Variants in RANBP17 observed in about 807,000 individuals in gnomAD.
The protein encoded by RANBP17 is ran-binding protein 17.
In RANBP17, 158 loss-of-function variants were observed where a neutral mutation model predicts 141.2. The observed-to-expected ratio is 1.12, with a 90% CI of 0.98 to 1.28. The LOEUF is 1.28. Ranked by LOEUF, RANBP17 falls within the 50% of genes most tolerant of loss-of-function variation. RANBP17 has a pLI of 0.00. For missense variants in RANBP17, 1,438 were observed against 1,290.7 expected (o/e 1.11, Z -1.75); for synonymous variants, 430 against 450.0 (o/e 0.96, Z 0.56).
At chr5:170,875,406 T>C (rs1030581532) in intron 1 of RANBP17, among the ~76,000 whole-genome samples, 1 of 152,208 alleles carries the variant, frequency 6.6e-6, no homozygotes, top group African/African-American at 2.4e-5. Context: ...TATCCTGAAG[T>C]GTGTTTTCCA....
At chr5:170,955,578 GTGTGTATATA>G (rs1775580856) in intron 13 of RANBP17, among the ~76,000 whole-genome samples, 1 of 41,656 alleles carries the variant, frequency 2.4e-5, no homozygotes, top group African/African-American at 1.0e-4. Flanking sequence ...TGCTCAGTCT[GTGTGTATATA>G]TATATATATA....
intron 21 of RANBP17, among the ~76,000 whole-genome samples, chr5:171,215,737 C>G (rs1763174001): frequency 6.6e-6 from 1 of 152,062 alleles, no homozygotes; most frequent in Non-Finnish European, 1.5e-5. Flanking sequence ...CCTGTGCCCA[C>G]TTTTTGATGG....
At chr5:170,929,064 C>G (rs141000881) in intron 12 of RANBP17, among the ~76,000 whole-genome samples, 204 of 152,136 alleles carry the variant, frequency 1.3e-3, no homozygotes, top group African/African-American at 4.5e-3. Context: ...CTCTGCTACT[C>G]TATTAAACCA....
rs115334131 is a variant in RANBP17 at position 171,041,938 on chromosome 5, C to T, written c.1710+73561C>T. 7.5e-3 allele frequency among the ~76,000 whole-genome samples: 1,138 copies of T among 152,082 alleles called. 13 individuals carry two copies. The highest frequency in any genetic ancestry group is 0.026 in the African/African-American group (1,089 of 41,498). On this transcript the variant is annotated intron_variant, in intron 14 of 27. Transcript: ENST00000523189. ...GCCCTGGTATGCATCGTTCTCCTCCCTGTGTCCATGTGTTCTCATTATTCT... is the reference window on the plus strand; with the variant it reads ...GCCCTGGTATGCATCGTTCTCCTCCTTGTGTCCATGTGTTCTCATTATTCT...
intron 5 of RANBP17, chr5:170,897,375 T>A (rs1427550127): frequency 6.3e-6 from 3 of 474,026 alleles, no homozygotes; most frequent in Non-Finnish European, 1.2e-5. Context: ...TTTTTTTAAA[T>A]ATTCCATTGC....
At chr5:170,884,796 A>G (rs949133583) in intron 3 of RANBP17, among the ~76,000 whole-genome samples, 2 of 152,184 alleles carry the variant, frequency 1.3e-5, no homozygotes, top group African/African-American at 4.8e-5. Flanking sequence ...AATAATGGAA[A>G]CATTTCTGCC....
chr5:171,023,159 T>C (rs934118484), intron 14 of RANBP17, among the ~76,000 whole-genome samples: 1 of 152,220 alleles, frequency 6.6e-6, no homozygotes, highest in African/African-American at 2.4e-5. Flanking sequence ...AGGATTCACA[T>C]GCCTATTATA....
intron 14 of RANBP17, among the ~76,000 whole-genome samples, chr5:170,986,164 T>C (rs1778128082): frequency 1.3e-5 from 2 of 152,208 alleles, no homozygotes; most frequent in South Asian, 4.1e-4. Context: ...ATAAATTATA[T>C]GATCTCCTTG....
chr5:170,944,099 G>A (rs778525975), intron 12 of RANBP17, among the ~76,000 whole-genome samples: 7 of 151,844 alleles, frequency 4.6e-5, no homozygotes, highest in Non-Finnish European at 8.8e-5. Flanking sequence ...GAGTGAGACC[G>A]TATAGTATTT....
intron 14 of RANBP17, among the ~76,000 whole-genome samples, chr5:171,053,233 A>G (rs1473887104): frequency 1.3e-5 from 2 of 151,952 alleles, no homozygotes; most frequent in Non-Finnish European, 2.9e-5. Flanking sequence ...AGGTTCAGGT[A>G]GTACATGTGC....
intron 20 of RANBP17, chr5:171,206,308 A>G (rs1487556510): frequency 6.3e-6 from 1 of 159,012 alleles, no homozygotes; most frequent in Non-Finnish European, 1.4e-5. Context: ...TCTCATTTGA[A>G]AACAGATACA....
At chr5:170,939,190 C>T (rs901455255) in intron 12 of RANBP17, among the ~76,000 whole-genome samples, 4 of 151,938 alleles carry the variant, frequency 2.6e-5, no homozygotes, top group East Asian at 1.9e-4. Flanking sequence ...TCGAGAAAAA[C>T]GATATACAAT....
intron 14 of RANBP17, among the ~76,000 whole-genome samples, chr5:171,141,692 T>C (rs993445931): frequency 6.7e-6 from 1 of 149,958 alleles, no homozygotes; most frequent in Admixed American, 6.6e-5. Flanking sequence ...GGAGAATTGG[T>C]TAAATTAATT....
rs1337682674 is a variant in RANBP17 at position 171,022,205 on chromosome 5, C to A, written c.1710+53828C>A. ...GATCTTTGACTTTGAGGGGCGCCAACCTGATGCCCGTAGGATTGTTCCTGT... is the reference window on the plus strand; with the variant it reads ...GATCTTTGACTTTGAGGGGCGCCAAACTGATGCCCGTAGGATTGTTCCTGT... On this transcript the variant is annotated intron_variant, in intron 14 of 27. Transcript: ENST00000523189. Among the ~76,000 whole-genome samples, 8 of 152,164 alleles carry A rather than the reference C, an allele frequency of 5.3e-5. No individual in the cohort carries two copies. The South Asian group carries it at 1.0e-3, about 20-fold the overall frequency.
At chr5:170,901,267 CCTT>C (rs1390923668) in intron 5 of RANBP17, among the ~76,000 whole-genome samples, 1 of 152,082 alleles carries the variant, frequency 6.6e-6, no homozygotes, top group Non-Finnish European at 1.5e-5. Context: ...TATGTAATGC[CCTT>C]CTTTGTCTCC....
In RANBP17 at chr5:171,277,657, A is replaced by G. The variant is rs1380938643; in HGVS notation, c.2943+11810A>G. On this transcript the variant is annotated intron_variant, in intron 25 of 27. Coordinates refer to ENST00000523189, the MANE Select transcript of RANBP17 (RefSeq NM_022897.5). ...TGTATGTATATATATATATATATAT[A>G]TATATATATATTTATGTCTTACAGC... 1.7e-3 allele frequency among the ~76,000 whole-genome samples: 220 copies of G among 132,318 alleles called. 16 individuals carry two copies. Among genetic ancestry groups the G allele is most frequent in the African/African-American group, 5.6e-3 (199 of 35,844 alleles). 86.8% of individuals were successfully genotyped at this position (132,318 alleles called of 152,430 possible). A position where few individuals can be genotyped will look rare whatever the true frequency, so the allele number is the denominator to read the frequency against.
chr5:171,159,310 C>T (rs1759126836), intron 14 of RANBP17, among the ~76,000 whole-genome samples: 1 of 152,134 alleles, frequency 6.6e-6, no homozygotes, highest in African/African-American at 2.4e-5. Context: ...AGTTTCATCT[C>T]CATACTAGCT....
chr5:170,885,522 A>T (rs1206461744), intron 3 of RANBP17, among the ~76,000 whole-genome samples: 1 of 152,220 alleles, frequency 6.6e-6, no homozygotes. Context: ...AAAGCCTCTT[A>T]TAATCATTCT....
chr5:171,195,410 A>G (rs1761916942), intron 18 of RANBP17, among the ~76,000 whole-genome samples: 12 of 152,256 alleles, frequency 7.9e-5, no homozygotes. Flanking sequence ...TTTGCATGAT[A>G]TAAACAACAA....
Sources: gnomAD v4.1 joint callset for allele counts (sites outside exome capture counted in the v4.1 genomes callset) on GRCh38, gnomAD v4.1.1 for gene constraint, MANE v1.5 for transcripts, NCBI Gene and HGNC (gene_info 2026-07-23, HGNC 2026-07-21) for gene names.